GNG4: variants seen among roughly 807,000 people sequenced by gnomAD.
GNG4 encodes G protein subunit gamma 4.
A neutral mutation model predicts 5.8 loss-of-function variants in GNG4; 4 were observed. The ratio of observed to expected loss-of-function variants is 0.69; its 90% confidence interval spans 0.34 to 1.57. The LOEUF (loss-of-function observed/expected upper bound fraction) is 1.57. GNG4 is among the 40% of genes most tolerant of loss of function. The pLI is 0.06. For synonymous variants in GNG4, 29 were observed against 32.9 expected (o/e 0.88, Z 0.41); for missense variants, 96 against 95.1 (o/e 1.01, Z -0.04).
chr1:235,592,865 C>T (rs769821433), intron 2 of GNG4, among the ~76,000 whole-genome samples: 2 of 152,174 alleles, frequency 1.3e-5, no homozygotes, highest in Non-Finnish European at 2.9e-5. Flanking sequence ...ATTAAACACC[C>T]TCCTTTCTTC....
intron 1 of GNG4, among the ~76,000 whole-genome samples, chr1:235,606,693 T>C (rs1055738895): frequency 3.3e-5 from 5 of 152,178 alleles, no homozygotes; most frequent in African/African-American, 1.2e-4. Context: ...GGAGGACTGA[T>C]AGAGATGGAA....
In GNG4 at chr1:235,581,502, G is replaced by A. The variant is rs1307952911; in HGVS notation, c.99+2238C>T. Among the ~76,000 whole-genome samples the A allele has an allele frequency of 5.3e-5, 8 of 151,388 alleles. No individual in the cohort carries two copies. The East Asian group carries it at 1.4e-3, about 26-fold the overall frequency. On this transcript the variant is annotated intron_variant, in intron 3 of 3. Coordinates refer to ENST00000391854, the MANE Select transcript of GNG4 (RefSeq NM_001098722.2). ...CGAGATCACACCTGGGCGACAGAGC[G>A]AGACTCCGTCTCAAAAAAGAAAAAA... is the stretch of plus-strand genomic sequence containing the variant.
chr1:235,565,292 GGA>G (rs1279120617), intron 3 of GNG4, among the ~76,000 whole-genome samples: 26 of 152,040 alleles, frequency 1.7e-4, no homozygotes, highest in African/African-American at 6.0e-4. Flanking sequence ...CCTGAGGTCA[GGA>G]GTTCGAAACC....
intron 2 of GNG4, among the ~76,000 whole-genome samples, chr1:235,593,654 T>C (rs572172199): frequency 5.9e-5 from 9 of 152,234 alleles, no homozygotes; most frequent in African/African-American, 2.2e-4. Flanking sequence ...TCGGATATGT[T>C]TGGAGTTTCT....
chr1:235,643,498 CTTAT>C (rs933225896), intron 1 of GNG4, among the ~76,000 whole-genome samples: 2 of 152,246 alleles, frequency 1.3e-5, no homozygotes, highest in African/African-American at 2.4e-5. Flanking sequence ...ATGACCATAT[CTTAT>C]TTGTTTCCCT....
intron 2 of GNG4, among the ~76,000 whole-genome samples, chr1:235,584,828 C>A (rs924979350): frequency 6.6e-6 from 1 of 152,204 alleles, no homozygotes; most frequent in East Asian, 1.9e-4. Flanking sequence ...TGGGAAGAGG[C>A]CCTGGCCACC....
chr1:235,564,999 A>G (rs967464659), intron 3 of GNG4, among the ~76,000 whole-genome samples: 3 of 152,086 alleles, frequency 2.0e-5, no homozygotes, highest in African/African-American at 7.2e-5. Context: ...TCTTAATTCT[A>G]AGTTTACATT....
chr1:235,599,320 G>GT (rs10538491), intron 1 of GNG4, among the ~76,000 whole-genome samples: 380 of 140,086 alleles, frequency 2.7e-3, no homozygotes, highest in South Asian at 8.3e-3. Context: ...TTTTTGGTTT[G>GT]TTTTTTTTTT....
intron 1 of GNG4, among the ~76,000 whole-genome samples, chr1:235,635,130 C>T (rs1056967262): frequency 5.9e-5 from 9 of 151,984 alleles, no homozygotes; most frequent in Non-Finnish European, 4.4e-5. Flanking sequence ...GGTTTTAAAG[C>T]GCAAAGTTTA....
chr1:235,629,752 C>T (rs2102982089), intron 1 of GNG4, among the ~76,000 whole-genome samples: 1 of 152,048 alleles, frequency 6.6e-6, no homozygotes, highest in African/African-American at 2.4e-5. Context: ...CCACCATGCC[C>T]AGCTAAGTTT....
Position 235,570,962 on chromosome 1 carries a change from C to CTT in GNG4, c.99+12776_99+12777dup, listed in dbSNP as rs544210922. ...CACACACACATATATATATACATAC[C>CTT]TTTTTTTTTTTTTTTTTTTGAAGAG... On this transcript the variant is annotated intron_variant, in intron 3 of 3. Transcript: ENST00000391854. 2.6e-3 allele frequency among the ~76,000 whole-genome samples: 274 copies of CTT among 103,980 alleles called. 1 individual carries two copies. Among genetic ancestry groups the CTT allele is most frequent in the Non-Finnish European group, 3.9e-3 (215 of 54,512 alleles). 68.2% of individuals were successfully genotyped at this position (103,980 alleles called of 152,430 possible).
intron 1 of GNG4, among the ~76,000 whole-genome samples, chr1:235,641,743 G>A (rs187696356): frequency 6.6e-6 from 1 of 152,078 alleles, no homozygotes; most frequent in African/African-American, 2.4e-5. Context: ...TCACCTGTTG[G>A]CTCCACGTGC....
chr1:235,596,225 C>T lies in GNG4; in HGVS notation c.-122-714G>A, dbSNP rs1196301071. Among the ~76,000 whole-genome samples the T allele has an allele frequency of 2.4e-3, 361 of 149,444 alleles. 2 individuals are homozygous for T. The highest frequency in any genetic ancestry group is 8.0e-3 in the African/African-American group (325 of 40,608). Reference sequence around the variant, plus strand: ...CAAACAAAATACACACACACACACACACACACACACACACACACACACACA... The same window carrying T: ...CAAACAAAATACACACACACACACATACACACACACACACACACACACACA... On this transcript the variant is annotated intron_variant, in intron 1 of 3. Coordinates refer to ENST00000391854, the MANE Select transcript of GNG4 (RefSeq NM_001098722.2).
chr1:235,621,572 G>T, intron 1 of GNG4, among the ~76,000 whole-genome samples: 1 of 151,942 alleles, frequency 6.6e-6, no homozygotes, highest in East Asian at 1.9e-4. Flanking sequence ...TGGGATTACA[G>T]GTGTGAGCCA....
At chr1:235,587,769 G>T (rs74704715) in intron 2 of GNG4, among the ~76,000 whole-genome samples, 52,419 of 137,198 alleles carry the variant, frequency 0.38, 11,110 homozygotes, top group East Asian at 0.77. Context: ...GTGGGAGAGT[G>T]TGGGGTGGGG....
intron 3 of GNG4, among the ~76,000 whole-genome samples, chr1:235,580,899 C>T (rs181481345): frequency 2.0e-4 from 30 of 152,042 alleles, no homozygotes; most frequent in Admixed American, 3.3e-4. Flanking sequence ...TACAGGCACA[C>T]GTCACCAGAC....
At chr1:235,599,200 G>A (rs893040356) in intron 1 of GNG4, among the ~76,000 whole-genome samples, 4 of 152,278 alleles carry the variant, frequency 2.6e-5, no homozygotes, top group Admixed American at 1.3e-4. Flanking sequence ...ACAGCCTGGT[G>A]GGAGACATCA....
intron 3 of GNG4, among the ~76,000 whole-genome samples, chr1:235,557,931 T>G (rs1024354955): frequency 1.3e-5 from 2 of 152,208 alleles, no homozygotes; most frequent in Admixed American, 1.3e-4. Context: ...TAAGCAGGTC[T>G]CACCTAGGAA....
chr1:235,600,100 C>CTTTTT lies in GNG4; in HGVS notation c.-122-4594_-122-4590dup, dbSNP rs533853180. ...TCCTTTATCTGGTTGCGGAAGAAAG[C>CTTTTT]TTTTTTTTTTTTTTTTTTTTTTTTT... On this transcript the variant is annotated intron_variant, in intron 1 of 3. Coordinates refer to ENST00000391854, the MANE Select transcript of GNG4 (RefSeq NM_001098722.2). 1.8e-3 allele frequency among the ~76,000 whole-genome samples: 78 copies of CTTTTT among 43,138 alleles called. 21 individuals carry two copies. Among genetic ancestry groups the CTTTTT allele is most frequent in the African/African-American group, 2.9e-3 (28 of 9,718 alleles). The allele number at this position is 43,138 out of a possible 152,430, so 28.3% of individuals were successfully genotyped here.
Sources: gnomAD v4.1 joint callset for allele counts (sites outside exome capture counted in the v4.1 genomes callset) on GRCh38, gnomAD v4.1.1 for gene constraint, MANE v1.5 for transcripts, NCBI Gene and HGNC (gene_info 2026-07-23, HGNC 2026-07-21) for gene names.